Variants in LRP1B observed in about 807,000 individuals in gnomAD.
LRP1B encodes the protein LDL receptor related protein 1B.
In LRP1B, 217 loss-of-function variants were observed where a neutral mutation model predicts 556.6. That is an observed-to-expected ratio of 0.39 (90% confidence interval 0.35 to 0.44). The LOEUF (loss-of-function observed/expected upper bound fraction) is 0.44, where lower values mean the gene tolerates loss of function less well. Ranked by LOEUF, LRP1B falls within the 20% of genes least tolerant of loss-of-function variation. The probability of loss-of-function intolerance (pLI) is 1.00; values close to 1 mark genes in which losing one functional copy is unlikely to be tolerated. For synonymous variants in LRP1B, 2,047 were observed against 1,865.8 expected (o/e 1.10, Z -2.50); for missense variants, 5,053 against 5,620.8 (o/e 0.90, Z 3.23).
intron 18 of LRP1B, among the ~76,000 whole-genome samples, chr2:140,960,071 A>G (rs1022746274): frequency 6.6e-6 from 1 of 151,628 alleles, no homozygotes; most frequent in Non-Finnish European, 1.5e-5. Context: ...TTGACTTTCC[A>G]CTGAAAATAA....
At chr2:141,987,686 A>G (rs1220792735) in intron 1 of LRP1B, among the ~76,000 whole-genome samples, 1 of 151,152 alleles carries the variant, frequency 6.6e-6, no homozygotes, top group Non-Finnish European at 1.5e-5. Context: ...GGATGTTTTT[A>G]TATGAGATTT....
intron 32 of LRP1B, among the ~76,000 whole-genome samples, chr2:140,782,692 CAT>C (rs1689742879): frequency 6.6e-6 from 1 of 151,998 alleles, no homozygotes; most frequent in South Asian, 2.1e-4. Context: ...TGATAATTAA[CAT>C]AAATATAAAT....
At chr2:141,178,583 G>T (rs944908409) in intron 7 of LRP1B, among the ~76,000 whole-genome samples, 3 of 152,058 alleles carry the variant, frequency 2.0e-5, no homozygotes, top group Non-Finnish European at 2.9e-5. Flanking sequence ...TGAGGGAAAA[G>T]ATATTTAAAT....
chr2:142,108,228 T>C (rs1373870351), intron 1 of LRP1B, among the ~76,000 whole-genome samples: 1 of 151,952 alleles, frequency 6.6e-6, no homozygotes. Flanking sequence ...AGCAGACATG[T>C]TCTCTGAAAT....
intron 1 of LRP1B, among the ~76,000 whole-genome samples, chr2:141,929,978 T>G (rs947772285): frequency 6.9e-6 from 1 of 145,092 alleles, no homozygotes; most frequent in Non-Finnish European, 1.5e-5. Context: ...TAGGGATGAC[T>G]TTCAAAATGT....
chr2:140,500,059 T>C (rs1471406946), intron 55 of LRP1B, among the ~76,000 whole-genome samples: 1 of 152,042 alleles, frequency 6.6e-6, no homozygotes, highest in Non-Finnish European at 1.5e-5. Context: ...ATCTGATGCA[T>C]GCTCATCTCA....
chr2:142,001,626 G>T (rs968946237), intron 1 of LRP1B, among the ~76,000 whole-genome samples: 1 of 152,118 alleles, frequency 6.6e-6, no homozygotes, highest in Non-Finnish European at 1.5e-5. Context: ...ATACAGCAAA[G>T]TTCATTGGAG....
chr2:140,409,516 A>G (rs1684883546), intron 66 of LRP1B, among the ~76,000 whole-genome samples: 2 of 152,056 alleles, frequency 1.3e-5, no homozygotes, highest in Admixed American at 1.3e-4. Context: ...TGATACAGAG[A>G]AATTTAGTCA....
intron 11 of LRP1B, among the ~76,000 whole-genome samples, chr2:141,038,480 G>A (rs1194986973): frequency 2.0e-5 from 3 of 151,984 alleles, no homozygotes; most frequent in African/African-American, 7.2e-5. Flanking sequence ...GTCAGTGGGA[G>A]GTAAAAATAA....
chr2:140,809,221 T>A (rs1690832388), intron 32 of LRP1B, among the ~76,000 whole-genome samples: 1 of 152,074 alleles, frequency 6.6e-6, no homozygotes, highest in Non-Finnish European at 1.5e-5. Flanking sequence ...GCCTATATAG[T>A]AGGTTAGTTT....
intron 1 of LRP1B, among the ~76,000 whole-genome samples, chr2:142,115,510 TATATTAC>T (rs1419460743): frequency 1.1e-5 from 1 of 93,256 alleles, no homozygotes; most frequent in Admixed American, 1.7e-4. Context: ...ATATATATTA[TATATTAC>T]ATATATAATA....
rs535236742 is a variant in LRP1B, at chr2:140,734,007, G to A, written c.5759-17191C>T. Among the ~76,000 whole-genome samples, 16 of 152,218 alleles carry A rather than the reference G, an allele frequency of 1.1e-4. No homozygotes were observed. In the East Asian group the frequency reaches 1.9e-3, roughly 18 times the overall value. On this transcript the variant is annotated intron_variant, in intron 35 of 90. Coordinates refer to ENST00000389484, the MANE Select transcript of LRP1B (RefSeq NM_018557.3). ...GGGAATACTCCTGCTTAACCTCAACGAAATTACAATACAGAAAATATCTCA... is the reference window on the plus strand; with the variant it reads ...GGGAATACTCCTGCTTAACCTCAACAAAATTACAATACAGAAAATATCTCA...
chr2:140,396,643 T>C (rs555830198), intron 66 of LRP1B, among the ~76,000 whole-genome samples: 1 of 152,168 alleles, frequency 6.6e-6, no homozygotes. Context: ...TAGTAACTAG[T>C]AAGAGTTAAG....
chr2:140,758,126 G>A (rs567945730), intron 35 of LRP1B, among the ~76,000 whole-genome samples: 2 of 152,096 alleles, frequency 1.3e-5, no homozygotes, highest in South Asian at 4.2e-4. Flanking sequence ...TATCACAAAT[G>A]ATAAAAATTT....
chr2:140,552,241 C>T (rs894681825), intron 43 of LRP1B, among the ~76,000 whole-genome samples: 1 of 152,086 alleles, frequency 6.6e-6, no homozygotes, highest in Non-Finnish European at 1.5e-5. Context: ...CATCAACAAA[C>T]ATTTTTGAAT....
chr2:141,632,892 T>C (rs375332151), intron 2 of LRP1B, among the ~76,000 whole-genome samples: 9 of 143,440 alleles, frequency 6.3e-5, no homozygotes, highest in African/African-American at 2.3e-4. Flanking sequence ...AAAAAAAGTA[T>C]AAAACTCATT....
chr2:141,375,401 G>C (rs1689390014), intron 3 of LRP1B, among the ~76,000 whole-genome samples: 1 of 152,070 alleles, frequency 6.6e-6, no homozygotes, highest in South Asian at 2.1e-4. Flanking sequence ...TGGTGGGCTG[G>C]GTGTGTGGGT....
At chr2:140,738,633 A>G (rs1307942420) in intron 35 of LRP1B, among the ~76,000 whole-genome samples, 1 of 152,166 alleles carries the variant, frequency 6.6e-6, no homozygotes. Flanking sequence ...ACCAGTCTTG[A>G]GAAAAATTTC....
chr2:141,680,948 AT>A (rs1343405182), intron 2 of LRP1B, among the ~76,000 whole-genome samples: 6 of 152,138 alleles, frequency 3.9e-5, no homozygotes, highest in African/African-American at 1.2e-4. Flanking sequence ...GGTGCGTTGC[AT>A]TTTGCCACAA....
Sources: allele counts gnomAD v4.1 joint callset (sites outside exome capture counted in the v4.1 genomes callset), GRCh38; gene constraint gnomAD v4.1.1; transcripts MANE v1.5; gene names NCBI Gene and HGNC (gene_info 2026-07-23, HGNC 2026-07-21).